PDE4D: variants seen among roughly 807,000 people sequenced by gnomAD.
The protein encoded by PDE4D is phosphodiesterase 4D, also known as 3',5'-cyclic-AMP phosphodiesterase 4D.
PDE4D carries 24 observed loss-of-function variants against 87.4 expected under a neutral mutation model. That is an observed-to-expected ratio of 0.27 (90% CI 0.20 to 0.39). The LOEUF (loss-of-function observed/expected upper bound fraction) is 0.39. Among genes scored for constraint, PDE4D ranks in the 10% least tolerant of loss-of-function variants. The pLI is 1.00. For missense variants in PDE4D, 714 were observed against 1,041.0 expected (o/e 0.69, Z 4.32); for synonymous variants, 384 against 383.2 (o/e 1.00, Z -0.02).
chr5:59,812,662 G>A (rs1768493567), intron 1 of PDE4D, among the ~76,000 whole-genome samples: 1 of 148,032 alleles, frequency 6.8e-6, no homozygotes, highest in Non-Finnish European at 1.5e-5. Flanking sequence ...GACAAAGTGA[G>A]ACTCCATCTC....
intron 1 of PDE4D, among the ~76,000 whole-genome samples, chr5:59,369,871 T>A (rs1783680098): frequency 6.6e-6 from 1 of 152,078 alleles, no homozygotes; most frequent in Non-Finnish European, 1.5e-5. Flanking sequence ...ACTATCAAAC[T>A]CAAAATGCTC....
chr5:60,219,787 A>C (rs1218267345), intron 1 of PDE4D, among the ~76,000 whole-genome samples: 2 of 152,210 alleles, frequency 1.3e-5, no homozygotes, highest in Non-Finnish European at 2.9e-5. Flanking sequence ...GCTGCAGAGC[A>C]CGCAAAGTGT....
At chr5:59,310,360 C>T (rs1430946829) in intron 1 of PDE4D, among the ~76,000 whole-genome samples, 1 of 152,150 alleles carries the variant, frequency 6.6e-6, no homozygotes, top group Non-Finnish European at 1.5e-5. Context: ...TCTTTCTCTG[C>T]TTAATATTGG....
chr5:59,020,290 C>T (rs1281872845), intron 6 of PDE4D, among the ~76,000 whole-genome samples: 1 of 152,014 alleles, frequency 6.6e-6, no homozygotes, highest in Non-Finnish European at 1.5e-5. Context: ...GCCTGGCCAA[C>T]ATGGTGAAAC....
intron 2 of PDE4D, among the ~76,000 whole-genome samples, chr5:60,103,195 A>C (rs898767441): frequency 6.6e-6 from 1 of 152,206 alleles, no homozygotes; most frequent in Non-Finnish European, 1.5e-5. Context: ...ACCGCATGAC[A>C]GAACAGACAC....
At chr5:59,203,072 A>C (rs570081325) in intron 2 of PDE4D, among the ~76,000 whole-genome samples, 1 of 152,202 alleles carries the variant, frequency 6.6e-6, no homozygotes, top group Non-Finnish European at 1.5e-5. Context: ...GGCCTGACAC[A>C]GTGGCTTACA....
At chr5:59,609,177 AAGG>A (rs1828640570) in intron 1 of PDE4D, among the ~76,000 whole-genome samples, 1 of 152,080 alleles carries the variant, frequency 6.6e-6, no homozygotes, top group Admixed American at 6.6e-5. Context: ...TGGGAAGTAG[AAGG>A]ATATAGATGC....
At chr5:60,296,916 G>T (rs945303441) in intron 1 of PDE4D, among the ~76,000 whole-genome samples, 1 of 152,004 alleles carries the variant, frequency 6.6e-6, no homozygotes, top group African/African-American at 2.4e-5. Flanking sequence ...ACAGGGAGGG[G>T]AACATCACAC....
Position 59,479,675 on chromosome 5 carries a change from AC to A in PDE4D, c.456-263708del, listed in dbSNP as rs139087145. 2.1e-3 allele frequency among the ~76,000 whole-genome samples: 312 copies of A among 152,182 alleles called. 1 individual carries two copies. The highest frequency in any genetic ancestry group is 7.3e-3 in the African/African-American group (303 of 41,526). ...GTAAGAGTAAGCAGGATTTTGTGAA[AC>A]TTTTGTCTCAGTTGAATATACATAT... On this transcript the variant is annotated intron_variant, in intron 1 of 14. Transcript: ENST00000340635.
At chr5:59,897,008 AGTTTTATGG>A (rs1751728940), upstream of PDE4D, among the ~76,000 whole-genome samples, 1 of 152,150 alleles carries the variant, frequency 6.6e-6, no homozygotes, top group Non-Finnish European at 1.5e-5. Context: ...TAGATTTTGG[AGTTTTATGG>A]GCACAGTCTG....
rs151192829 is a variant in PDE4D at position 60,018,108 on chromosome 5, T to A, written c.43-29391A>T. On this transcript the variant is annotated intron_variant, in intron 2 of 16. Coordinates refer to the PDE4D transcript ENST00000502484. ...TATGTATGTCTACTTTTGAGAAGTG[T>A]CTGTTCATGTCCATCAGATTAACAG... 1.5e-3 allele frequency among the ~76,000 whole-genome samples: 223 copies of A among 152,102 alleles called. 4 individuals carry two copies. Among genetic ancestry groups the A allele is most frequent in the Non-Finnish European group, 7.4e-5 (5 of 67,980 alleles).
chr5:59,979,011 A>G (rs1254748047), intron 3 of PDE4D, among the ~76,000 whole-genome samples: 3 of 152,184 alleles, frequency 2.0e-5, no homozygotes, highest in Admixed American at 1.3e-4. Flanking sequence ...TGTAAACATA[A>G]GTTTTATATG....
At chr5:60,143,949 A>T (rs1780779596) in intron 2 of PDE4D, among the ~76,000 whole-genome samples, 1 of 152,144 alleles carries the variant, frequency 6.6e-6, no homozygotes, top group Non-Finnish European at 1.5e-5. Flanking sequence ...AAGCAGGCTG[A>T]CTTCTGAAAC....
At chr5:59,865,867 C>T (rs78332739) in intron 1 of PDE4D, among the ~76,000 whole-genome samples, 7,492 of 152,286 alleles carry the variant, frequency 0.049, 260 homozygotes, top group Middle Eastern at 0.15. Context: ...ACATGAAAGA[C>T]ATGTAACTAT....
chr5:59,531,876 C>T (rs892224909), intron 1 of PDE4D, among the ~76,000 whole-genome samples: 2 of 152,058 alleles, frequency 1.3e-5, no homozygotes, highest in Non-Finnish European at 2.9e-5. Context: ...TTCATTTAGT[C>T]CAGGGATTAG....
chr5:59,373,069 A>G (rs1784184019), intron 1 of PDE4D, among the ~76,000 whole-genome samples: 1 of 152,128 alleles, frequency 6.6e-6, no homozygotes, highest in African/African-American at 2.4e-5. Flanking sequence ...AAAAGTCCAC[A>G]AAGATGAGAA....
intron 1 of PDE4D, among the ~76,000 whole-genome samples, chr5:60,234,636 T>C (rs1746215958): frequency 6.6e-6 from 1 of 151,892 alleles, no homozygotes. Context: ...CTTATTTAAA[T>C]TTTTGTTAGA....
chr5:59,148,754 GGTGTGTGTGTGTGTGTGTGT>G (rs3061422), intron 5 of PDE4D, among the ~76,000 whole-genome samples: 6 of 145,482 alleles, frequency 4.1e-5, no homozygotes, highest in African/African-American at 1.5e-4. Flanking sequence ...AATATATAGC[GGTGTGTGTGTGTGTGTGTGT>G]GTGTGTGTGT....
At chr5:60,078,914 G>A (rs1773619852) in intron 2 of PDE4D, among the ~76,000 whole-genome samples, 1 of 152,160 alleles carries the variant, frequency 6.6e-6, no homozygotes, top group African/African-American at 2.4e-5. Flanking sequence ...TAATGGGATT[G>A]CTGGGTCAAA....
Sources: allele counts gnomAD v4.1 joint callset (sites outside exome capture counted in the v4.1 genomes callset), GRCh38; gene constraint gnomAD v4.1.1; transcripts MANE v1.5; gene names NCBI Gene and HGNC (gene_info 2026-07-23, HGNC 2026-07-21).